TMC1: variants seen among roughly 807,000 people sequenced by gnomAD.
TMC1 encodes the protein transmembrane channel like 1.
In TMC1, 84 loss-of-function variants were observed where a neutral mutation model predicts 105.8. That is an observed-to-expected ratio of 0.79 (90% CI 0.67 to 0.95). TMC1 has a LOEUF of 0.95. Ranked by LOEUF, TMC1 falls within the 40% of genes least tolerant of loss-of-function variation. TMC1 has a pLI of 0.00. For missense variants in TMC1, 817 were observed against 914.1 expected (o/e 0.89, Z 1.37); for synonymous variants, 315 against 311.5 (o/e 1.01, Z -0.12).
chr9:72,816,058 C>A (rs79639106), intron 18 of TMC1, 85 bp from the exon 19 acceptor site: 1 of 1,187,048 alleles, frequency 8.4e-7, no homozygotes, highest in African/African-American at 1.5e-5. Flanking sequence ...GTAATTGAAA[C>A]CCTAGCCATG....
intron 17 of TMC1, among the ~76,000 whole-genome samples, chr9:72,794,324 C>T (rs1246395989): frequency 1.3e-5 from 2 of 152,122 alleles, no homozygotes; most frequent in Non-Finnish European, 2.9e-5. Context: ...CCCAGGAGTG[C>T]CAAGCCGTAA....
At chr9:72,646,452 G>GA (rs1825711623) in intron 4 of TMC1, among the ~76,000 whole-genome samples, 1 of 151,970 alleles carries the variant, frequency 6.6e-6, no homozygotes, top group Non-Finnish European at 1.5e-5. Context: ...AATTTTGCCA[G>GA]AAAAAATACA....
At chr9:72,566,693 C>T (rs1824160930) in intron 1 of TMC1, among the ~76,000 whole-genome samples, 1 of 152,184 alleles carries the variant, frequency 6.6e-6, no homozygotes, top group South Asian at 2.1e-4. Flanking sequence ...GATAAAAAAG[C>T]ACATTTAGCC....
chr9:72,685,658 C>T (rs1043589752), intron 5 of TMC1, among the ~76,000 whole-genome samples: 2 of 152,164 alleles, frequency 1.3e-5, no homozygotes, highest in African/African-American at 4.8e-5. Context: ...GCCACTGCGC[C>T]TGGCCTATAA....
Position 72,655,781 on chromosome 9 carries a change from TC to T in TMC1, c.16+7118del. 2 of 582,570 alleles carry T rather than the reference TC, an allele frequency of 3.4e-6. 1 individual carries two copies. The highest frequency in any genetic ancestry group is 5.9e-5 in the East Asian group (2 of 34,132). 36.1% of individuals were successfully genotyped at this position (582,570 alleles called of 1,614,324 possible). On this transcript the variant is annotated intron_variant, in intron 5 of 23. Transcript: ENST00000297784. ...ATTCAAAAGATTACTGATGCTTGTT[TC>T]ATTTTTTTTTAATTTTTCAACTGGT...
intron 5 of TMC1, among the ~76,000 whole-genome samples, chr9:72,669,409 A>C (rs1826094137): frequency 6.6e-6 from 1 of 152,180 alleles, no homozygotes; most frequent in South Asian, 2.1e-4. Flanking sequence ...TGACTGCAAA[A>C]ATTTTGGCAT....
chr9:72,648,912 C>A (rs946475240), intron 5 of TMC1, among the ~76,000 whole-genome samples: 4 of 152,094 alleles, frequency 2.6e-5, no homozygotes, highest in Non-Finnish European at 5.9e-5. Context: ...AAACTGACCT[C>A]GCTTTCACTC....
chr9:72,540,046 A>C (rs1408433755), intron 1 of TMC1, among the ~76,000 whole-genome samples: 1 of 151,730 alleles, frequency 6.6e-6, no homozygotes, highest in Non-Finnish European at 1.5e-5. Flanking sequence ...TTTTTAACAG[A>C]GGTACAGGCT....
chr9:72,786,472 A>C (rs916255391), intron 13 of TMC1, among the ~76,000 whole-genome samples: 6 of 152,008 alleles, frequency 3.9e-5, no homozygotes, highest in Non-Finnish European at 5.9e-5. Flanking sequence ...ACAAAAACAA[A>C]ACAAACAAAA....
intron 3 of TMC1, among the ~76,000 whole-genome samples, chr9:72,621,546 C>T (rs1342528604): frequency 6.6e-6 from 1 of 152,108 alleles, no homozygotes; most frequent in Non-Finnish European, 1.5e-5. Flanking sequence ...AAAATCTTTT[C>T]CTGACTCTTA....
At chr9:72,789,825 C>T (rs1279935248) in intron 15 of TMC1, among the ~76,000 whole-genome samples, 1 of 152,194 alleles carries the variant, frequency 6.6e-6, no homozygotes, top group East Asian at 1.9e-4. Context: ...GCTTCTCCAC[C>T]TTTGGGCATG....
At chr9:72,601,059 G>T (rs988139520) in intron 2 of TMC1, among the ~76,000 whole-genome samples, 2 of 152,158 alleles carry the variant, frequency 1.3e-5, no homozygotes, top group Admixed American at 1.3e-4. Context: ...GGCAAGCTGG[G>T]TGCAGAGGCT....
chr9:72,735,192 T>C (rs1473781470), intron 8 of TMC1, among the ~76,000 whole-genome samples: 1 of 152,206 alleles, frequency 6.6e-6, no homozygotes, highest in Non-Finnish European at 1.5e-5. Flanking sequence ...ACGGTTTGCT[T>C]CAGCTCTGAG....
At chr9:72,596,986 C>T (rs953878820) in intron 2 of TMC1, among the ~76,000 whole-genome samples, 1 of 152,166 alleles carries the variant, frequency 6.6e-6, no homozygotes, top group African/African-American at 2.4e-5. Flanking sequence ...CATTGGCCAC[C>T]AGCAACCCTT....
intron 8 of TMC1, among the ~76,000 whole-genome samples, chr9:72,735,553 T>C (rs1827284254): frequency 6.6e-6 from 1 of 152,226 alleles, no homozygotes; most frequent in African/African-American, 2.4e-5. Context: ...ATGAGATTTG[T>C]TTTTGTATCT....
intron 5 of TMC1, among the ~76,000 whole-genome samples, chr9:72,686,813 G>A (rs1406281929): frequency 1.3e-5 from 2 of 152,182 alleles, no homozygotes; most frequent in Admixed American, 6.5e-5. Context: ...TTCTGCAGCA[G>A]TCTTCATTGC....
At chr9:72,794,301 G>A (rs1564559387) in intron 17 of TMC1, among the ~76,000 whole-genome samples, 2 of 152,164 alleles carry the variant, frequency 1.3e-5, no homozygotes, top group African/African-American at 4.8e-5. Context: ...TTGCCCCAGA[G>A]CTGAAGGGGC....
chr9:72,557,003 C>T (rs1451033116), intron 1 of TMC1, among the ~76,000 whole-genome samples: 1 of 152,128 alleles, frequency 6.6e-6, no homozygotes, highest in African/African-American at 2.4e-5. Flanking sequence ...TCCTGCAGTG[C>T]ACAGGACAGC....
At chr9:72,810,614 G>A (rs1828687026) in intron 18 of TMC1, among the ~76,000 whole-genome samples, 1 of 152,082 alleles carries the variant, frequency 6.6e-6, no homozygotes. Flanking sequence ...ACGTATATAT[G>A]TGTGTAAACA....
Sources: allele counts gnomAD v4.1 joint callset (sites outside exome capture counted in the v4.1 genomes callset), GRCh38; gene constraint gnomAD v4.1.1; transcripts MANE v1.5; gene names NCBI Gene and HGNC (gene_info 2026-07-23, HGNC 2026-07-21).